The following C15orf40 variants were observed in gnomAD, a reference collection of about 807,000 sequenced individuals.
C15orf40 encodes the protein UPF0235 protein C15orf40.
Under a neutral mutation model 13.9 loss-of-function variants are expected in C15orf40, and 9 were observed. That is an observed-to-expected ratio of 0.65 (90% CI 0.39 to 1.13). C15orf40 has a LOEUF of 1.13. Among genes scored for constraint, C15orf40 ranks in the 50% most tolerant of loss-of-function variants. The pLI is 0.01. For synonymous variants in C15orf40, 95 were observed against 69.2 expected (o/e 1.37, Z -1.85); for missense variants, 225 against 188.5 (o/e 1.19, Z -1.13).
intron 2 of C15orf40, 95 bp downstream of exon 2, chr15:83,010,142 C>G: frequency 6.8e-7 from 1 of 1,477,778 alleles, no homozygotes; most frequent in East Asian, 2.3e-5. Flanking sequence ...GAAAAATCAA[C>G]TGTCATAGAA....
chr15:83,004,836 C>T lies in C15orf40; in HGVS notation c.*761G>A. The T allele has an allele frequency of 3.1e-6, 4 of 1,285,438 alleles. No homozygotes were observed. Among genetic ancestry groups the T allele is most frequent in the Non-Finnish European group, 4.1e-6 (4 of 976,786 alleles). 79.6% of individuals were successfully genotyped at this position (1,285,438 alleles called of 1,614,324 possible). ...CTTGTAAACTGGATTAGAAGGCAAT[C>T]CCCAGAATTCCAGAACCGTTGTGGA... On this transcript the variant is annotated 3_prime_UTR_variant, in exon 4 of 4. Transcript: ENST00000304177.
rs1222603524 is a variant in C15orf40, at chr15:83,011,314, G to A, written c.111+183C>T. The A allele has an allele frequency of 1.3e-5, 8 of 602,252 alleles. No homozygotes were observed. The South Asian group carries it at 1.4e-4, about 11-fold the overall frequency. The allele number at this position is 602,252 out of a possible 1,614,324, so 37.3% of individuals were successfully genotyped here. A position where few individuals can be genotyped will look rare whatever the true frequency, so the allele number is the denominator to read the frequency against. On this transcript the variant is annotated intron_variant, in intron 1 of 3. Coordinates refer to ENST00000304177, the MANE Select transcript of C15orf40 (RefSeq NM_144597.3). ...CAGGTGGACGGCAGCGCAGCCTACT[G>A]AGGCGGGGCGACGGCAGCAGGCCGC... is the stretch of plus-strand genomic sequence containing the variant.
rs187641311 is a variant in C15orf40 at position 82,999,274 on chromosome 15, C to T, written c.*6323G>A. On this transcript the variant is annotated 3_prime_UTR_variant, in exon 4 of 4. Coordinates refer to ENST00000304177, the MANE Select transcript of C15orf40 (RefSeq NM_144597.3). ...GCAGTGGCGCAATCATGGCTCACTA[C>T]GTCGAACTCCTGAGCTCAAGTGATC... The T allele has an allele frequency of 3.4e-3, 515 of 152,250 alleles. 5 individuals carry two copies. Among genetic ancestry groups the T allele is most frequent in the Middle Eastern group, 0.024 (7 of 294 alleles). The allele number at this position is 152,250 out of a possible 1,614,324, so 9.4% of individuals were successfully genotyped here.
intron 2 of C15orf40, 132 bp from the exon 3 acceptor site, chr15:83,008,807 T>A: frequency 9.8e-7 from 1 of 1,023,694 alleles, no homozygotes; most frequent in Non-Finnish European, 1.4e-6. Flanking sequence ...AATGAAGAAA[T>A]GAATGATTAA....
Position 83,001,251 on chromosome 15 carries a change from G to A in C15orf40, c.*4346C>T. ...CTGCCTCCAGGGCATAATGAGCCAG[G>A]CTGTTCTTTCCCAGGATCTGTCGAA... On this transcript the variant is annotated 3_prime_UTR_variant, in exon 4 of 4. Transcript: ENST00000304177. The A allele has an allele frequency of 1.0e-6, 1 of 985,420 alleles. No homozygotes were observed. Among genetic ancestry groups the A allele is most frequent in the Non-Finnish European group, 1.2e-6 (1 of 829,934 alleles). 61.0% of individuals were successfully genotyped at this position (985,420 alleles called of 1,614,324 possible). A position where few individuals can be genotyped will look rare whatever the true frequency, so the allele number is the denominator to read the frequency against.
rs905975718 is a variant in C15orf40, at chr15:83,004,472, T to A, written c.*1125A>T. Reference sequence around the variant, plus strand: ...GACCTGAAGATGTAAAAATATATTATTAGCTTTTGAAACTTTAATATAGAT... The same window carrying A: ...GACCTGAAGATGTAAAAATATATTAATAGCTTTTGAAACTTTAATATAGAT... On this transcript the variant is annotated 3_prime_UTR_variant, in exon 4 of 4. Coordinates refer to ENST00000304177, the MANE Select transcript of C15orf40 (RefSeq NM_144597.3). The A allele has an allele frequency of 1.2e-6, 1 of 817,806 alleles. No individual in the cohort carries two copies. Among genetic ancestry groups the A allele is most frequent in the East Asian group, 1.3e-4 (1 of 7,992 alleles). The allele number at this position is 817,806 out of a possible 1,614,324, so 50.7% of individuals were successfully genotyped here.
At chr15:82,994,513 A>T (rs995343546), downstream of C15orf40, among the ~76,000 whole-genome samples, 1 of 152,180 alleles carries the variant, frequency 6.6e-6, no homozygotes, top group Non-Finnish European at 1.5e-5. Context: ...TTAGCACAAT[A>T]ATCTACAGTG....
In C15orf40 at chr15:82,994,836, T is replaced by C. The variant is rs138531050; in HGVS notation, c.*10761A>G. 1.4e-3 allele frequency: 215 copies of C among 149,038 alleles called. No individual in the cohort carries two copies. The highest frequency in any genetic ancestry group is 5.0e-3 in the African/African-American group (205 of 41,320). The allele number at this position is 149,038 out of a possible 1,614,324, so 9.2% of individuals were successfully genotyped here. On this transcript the variant is annotated 3_prime_UTR_variant, in exon 4 of 4. Coordinates refer to ENST00000304177, the MANE Select transcript of C15orf40 (RefSeq NM_144597.3). Reference sequence around the variant, plus strand: ...AGGTACTCAAAGAATCTTCGTTCTGTTTATTTATGAACACAGAAAGATATG... The same window carrying C: ...AGGTACTCAAAGAATCTTCGTTCTGCTTATTTATGAACACAGAAAGATATG...
intron 2 of C15orf40, 34 bp from the exon 3 acceptor site, chr15:83,008,709 G>A: frequency 6.5e-7 from 1 of 1,546,792 alleles, no homozygotes; most frequent in Non-Finnish European, 8.7e-7. Flanking sequence ...TTATCCTTAA[G>A]GAGTTCTTTT....
In C15orf40 at chr15:83,001,707, C is replaced by G. The variant is rs2031425810; in HGVS notation, c.*3890G>C. 1 of 152,218 alleles carries G rather than the reference C, an allele frequency of 6.6e-6. No homozygotes were observed. Among genetic ancestry groups the G allele is most frequent in the South Asian group, 2.1e-4 (1 of 4,832 alleles). 9.4% of individuals were successfully genotyped at this position (152,218 alleles called of 1,614,324 possible). On this transcript the variant is annotated 3_prime_UTR_variant, in exon 4 of 4. Transcript: ENST00000304177. ...GATGATGAAAAGTACATTAACTGAG[C>G]TTCTACAGCAGGTCAAGGTGCCCAA...
Position 83,006,038 on chromosome 15 carries a change from T to G in C15orf40, c.367-346A>C, listed in dbSNP as rs529963073. ...CGAGGTCAGGAGTTCAAGACCAGCC[T>G]GACCAACATGGTGAAACCCCGTCTG... is the stretch of plus-strand genomic sequence containing the variant. On this transcript the variant is annotated intron_variant, in intron 3 of 3. Transcript: ENST00000304177. 1.1e-4 allele frequency among the ~76,000 whole-genome samples: 17 copies of G among 152,140 alleles called. No individual in the cohort carries two copies. The East Asian group carries it at 3.1e-3, about 28-fold the overall frequency.
chr15:83,005,696 G>C lies in C15orf40; in HGVS notation c.367-4C>G. On this transcript the variant is annotated splice_region_variant and splice_polypyrimidine_tract_variant and intron_variant, in intron 3 of 3. Transcript: ENST00000304177. ...CCTTTTCACGAGATTTACCACCCTG[G>C]ACCAAAAGAGAAAAAGCATACTTTA... The C allele has an allele frequency of 6.2e-7, 1 of 1,610,568 alleles. No homozygotes were observed. Among genetic ancestry groups the C allele is most frequent in the Non-Finnish European group, 8.5e-7 (1 of 1,178,658 alleles).
Position 82,999,967 on chromosome 15 carries a change from T to C in C15orf40, c.*5630A>G, listed in dbSNP as rs1428655197. The C allele has an allele frequency of 6.6e-6, 1 of 152,206 alleles. No homozygotes were observed. The highest frequency in any genetic ancestry group is 1.5e-5 in the Non-Finnish European group (1 of 68,054). 9.4% of individuals were successfully genotyped at this position (152,206 alleles called of 1,614,324 possible). ...CTGCAACCTAGAAAAAGGGAGTTCC[T>C]GTACTATGAAGGATCATTATCTCCA... On this transcript the variant is annotated 3_prime_UTR_variant, in exon 4 of 4. Coordinates refer to ENST00000304177, the MANE Select transcript of C15orf40 (RefSeq NM_144597.3).
chr15:82,992,039 G>A (rs2030884413), downstream of C15orf40: 1 of 608,390 alleles, frequency 1.6e-6, no homozygotes, highest in Non-Finnish European at 2.7e-6. Flanking sequence ...AATGTAGCAA[G>A]ATCCTGTCTC....
intron 3 of C15orf40, 22 bp downstream of exon 3, chr15:83,008,526 A>C (rs1269747345): frequency 6.2e-7 from 1 of 1,611,300 alleles, no homozygotes; most frequent in Admixed American, 1.7e-5. Flanking sequence ...CTCAAAAAAA[A>C]AAAAAAGAGA....
In C15orf40 at chr15:82,997,560, T is replaced by G. The variant is rs1035723843; in HGVS notation, c.*8037A>C. 3.3e-5 allele frequency: 8 copies of G among 239,316 alleles called. No homozygotes were observed. Among genetic ancestry groups the G allele is most frequent in the Non-Finnish European group, 6.5e-5 (8 of 123,246 alleles). The allele number at this position is 239,316 out of a possible 1,614,324, so 14.8% of individuals were successfully genotyped here. On this transcript the variant is annotated 3_prime_UTR_variant, in exon 4 of 4. Coordinates refer to ENST00000304177, the MANE Select transcript of C15orf40 (RefSeq NM_144597.3). ...ACAGGATCCCAAGGCAGAGGAATTT[T>G]TCTTAGTGCAGAACAAAATGAAAAG...
At position 83,002,733 on chromosome 15, in the gene C15orf40, C is replaced by T. The variant is rs2031468861; in HGVS notation, c.*2864G>A. Reference sequence around the variant, plus strand: ...TGAAACCTGGTTGGCCTTTTGTCTACATGAAACAAGTGGGCCTGAGGATGA... The same window carrying T: ...TGAAACCTGGTTGGCCTTTTGTCTATATGAAACAAGTGGGCCTGAGGATGA... On this transcript the variant is annotated 3_prime_UTR_variant, in exon 4 of 4. Coordinates refer to ENST00000304177, the MANE Select transcript of C15orf40 (RefSeq NM_144597.3). 6.6e-6 allele frequency: 1 copy of T among 152,204 alleles called. No homozygotes were observed. Among genetic ancestry groups the T allele is most frequent in the South Asian group, 2.1e-4 (1 of 4,836 alleles). The allele number at this position is 152,204 out of a possible 1,614,324, so 9.4% of individuals were successfully genotyped here.
At position 83,004,342 on chromosome 15, in the gene C15orf40, AC is replaced by A. The variant is rs1427403257; in HGVS notation, c.*1254del. 1 of 985,318 alleles carries A rather than the reference AC, an allele frequency of 1.0e-6. No homozygotes were observed. The highest frequency in any genetic ancestry group is 1.7e-5 in the African/African-American group (1 of 57,250). The allele number at this position is 985,318 out of a possible 1,614,324, so 61.0% of individuals were successfully genotyped here. ...GTTTTTAATGATTTGGTCCATCAAT[AC>A]ATCTTTCTCATGTACTTGCTGGACA... is the stretch of plus-strand genomic sequence containing the variant. On this transcript the variant is annotated 3_prime_UTR_variant, in exon 4 of 4. Coordinates refer to ENST00000304177, the MANE Select transcript of C15orf40 (RefSeq NM_144597.3).
chr15:83,010,527 C>A, intron 1 of C15orf40, 164 bp from the exon 2 acceptor site: 1 of 726,022 alleles, frequency 1.4e-6, no homozygotes, highest in South Asian at 2.0e-5. Context: ...ACCTTCAAGG[C>A]TCTACTCAAT....
Sources: allele counts gnomAD v4.1 joint callset (sites outside exome capture counted in the v4.1 genomes callset), GRCh38; gene constraint gnomAD v4.1.1; transcripts MANE v1.5; gene names NCBI Gene and HGNC (gene_info 2026-07-23, HGNC 2026-07-21).